Variants in LRP1B observed in about 807,000 individuals in gnomAD.
LRP1B encodes the protein low-density lipoprotein receptor-related protein 1B.
A neutral mutation model predicts 556.6 loss-of-function variants in LRP1B; 217 were observed. The ratio of observed to expected loss-of-function variants is 0.39; its 90% CI spans 0.35 to 0.44. The LOEUF (loss-of-function observed/expected upper bound fraction) is 0.44, where lower values mean the gene tolerates loss of function less well. Among genes scored for constraint, LRP1B ranks in the 20% least tolerant of loss-of-function variants. LRP1B has a pLI of 1.00. For missense variants in LRP1B, 5,053 were observed against 5,620.8 expected (o/e 0.90, Z 3.23); for synonymous variants, 2,047 against 1,865.8 (o/e 1.10, Z -2.50).
intron 2 of LRP1B, among the ~76,000 whole-genome samples, chr2:141,684,952 A>G (rs1558803125): frequency 6.6e-6 from 1 of 152,046 alleles, no homozygotes; most frequent in Non-Finnish European, 1.5e-5. Flanking sequence ...AAAGGGGAGA[A>G]TGACTCTCAG....
At chr2:140,725,756 G>A (rs1364469414) in intron 35 of LRP1B, among the ~76,000 whole-genome samples, 1 of 151,912 alleles carries the variant, frequency 6.6e-6, no homozygotes, top group Non-Finnish European at 1.5e-5. Context: ...CTGCCACTGG[G>A]GTTCAGTGGC....
At chr2:141,110,927 T>C (rs938222575) in intron 7 of LRP1B, among the ~76,000 whole-genome samples, 21 of 152,140 alleles carry the variant, frequency 1.4e-4, no homozygotes, top group Admixed American at 1.4e-3. Flanking sequence ...ACTAAATATA[T>C]AGCCACATTT....
In LRP1B at chr2:140,371,246, C is replaced by G. The variant is rs1397936444; in HGVS notation, c.10808G>C (p.Ser3603Thr). The G allele has an allele frequency of 1.3e-6, 2 of 1,596,920 alleles. No individual in the cohort carries two copies. The highest frequency in any genetic ancestry group is 1.3e-5 in the African/African-American group (1 of 74,346). Residue 3603 changes from serine to threonine, a missense_variant, in exon 70 of 91, where the codon AGT (serine) becomes ACT (threonine). By Grantham distance (58) the Ser-to-Thr change is moderately conservative. This residue lies in a region of LRP1B where 599 missense variants were observed against 648.4 expected (regional missense o/e 0.92). Transcript: ENST00000389484. The part of the protein sequence containing the change: ...TCSSREYICA[S>T]DGCISASLKC... ...CAAAGATGCTGAAATACATCCATCACTGGCACATATATATTCACGTGATGA... is the reference window on the plus strand; with the variant it reads ...CAAAGATGCTGAAATACATCCATCAGTGGCACATATATATTCACGTGATGA...
In LRP1B at chr2:140,501,699, C is replaced by A. The variant is rs747529478; in HGVS notation, c.8838G>T (p.Pro2946=). Residue 2946 remains proline (P), a synonymous_variant, in exon 55 of 91, where the codon CCG becomes CCT. Coordinates refer to ENST00000389484, the MANE Select transcript of LRP1B (RefSeq NM_018557.3). ...GATGAGTACCTACCTTATAACTGAC[C>A]GGAAGGTCTTGACAGTCTTGAGAAC... ...SGCSQDCQDL[P]VSYKCKCWPG... is the part of the protein sequence containing the mutation. 7 of 1,608,588 alleles carry A rather than the reference C, an allele frequency of 4.4e-6. No individual in the cohort carries two copies. Among genetic ancestry groups the A allele is most frequent in the Non-Finnish European group, 5.9e-6 (7 of 1,176,938 alleles).
chr2:140,739,267 T>C (rs1688054839), intron 35 of LRP1B, among the ~76,000 whole-genome samples: 1 of 151,986 alleles, frequency 6.6e-6, no homozygotes, highest in Non-Finnish European at 1.5e-5. Context: ...GATTTGGGGA[T>C]TTGCAAAGCA....
At chr2:141,363,129 A>G (rs1688895269) in intron 3 of LRP1B, among the ~76,000 whole-genome samples, 1 of 152,172 alleles carries the variant, frequency 6.6e-6, no homozygotes. Flanking sequence ...TACATCTTCT[A>G]TAATTGTTTC....
chr2:142,035,272 C>T lies in LRP1B; in HGVS notation c.82+95376G>A, dbSNP rs964742091. Among the ~76,000 whole-genome samples, 13 of 151,756 alleles carry T rather than the reference C, an allele frequency of 8.6e-5. 1 individual carries two copies. The East Asian group carries it at 2.1e-3, about 25-fold the overall frequency. On this transcript the variant is annotated intron_variant, in intron 1 of 90. Coordinates refer to ENST00000389484, the MANE Select transcript of LRP1B (RefSeq NM_018557.3). ...TTCCTCCCACTTGTAACTGATGGTGCAGATGCTATATTAAGAAACACTATG... is the reference window on the plus strand; with the variant it reads ...TTCCTCCCACTTGTAACTGATGGTGTAGATGCTATATTAAGAAACACTATG...
At chr2:140,761,348 T>C (rs535523833) in intron 35 of LRP1B, among the ~76,000 whole-genome samples, 49 of 152,330 alleles carry the variant, frequency 3.2e-4, no homozygotes, top group Non-Finnish European at 5.6e-4. Context: ...AATATTGTGA[T>C]AGGCAGCCCC....
chr2:141,371,536 ATCTAC>A (rs1689231149), intron 3 of LRP1B, among the ~76,000 whole-genome samples: 1 of 152,112 alleles, frequency 6.6e-6, no homozygotes, highest in Non-Finnish European at 1.5e-5. Context: ...TCTTTGTGTC[ATCTAC>A]TCTTTCTTTC....
At chr2:141,446,338 A>G (rs1044060025) in intron 3 of LRP1B, among the ~76,000 whole-genome samples, 1 of 152,142 alleles carries the variant, frequency 6.6e-6, no homozygotes, top group African/African-American at 2.4e-5. Context: ...AATACAGTCC[A>G]TCGATGGGTC....
chr2:141,724,224 A>G (rs1692946150), intron 2 of LRP1B, among the ~76,000 whole-genome samples: 2 of 151,932 alleles, frequency 1.3e-5, no homozygotes, highest in African/African-American at 4.8e-5. Flanking sequence ...ATACAAGCAG[A>G]AAACAAACTA....
intron 2 of LRP1B, among the ~76,000 whole-genome samples, chr2:141,729,299 TGCTA>T (rs1446050493): frequency 1.3e-5 from 2 of 149,884 alleles, no homozygotes; most frequent in Non-Finnish European, 3.0e-5. Context: ...GCTTATGCTA[TGCTA>T]TTCTTTTTTT....
At chr2:141,907,684 C>T (rs1204186726) in intron 1 of LRP1B, among the ~76,000 whole-genome samples, 3 of 151,906 alleles carry the variant, frequency 2.0e-5, no homozygotes, top group East Asian at 1.9e-4. Flanking sequence ...AAGGAAAATG[C>T]AAACTTTAAA....
At chr2:141,483,651 C>T (rs1047532189) in intron 2 of LRP1B, among the ~76,000 whole-genome samples, 7 of 151,878 alleles carry the variant, frequency 4.6e-5, no homozygotes, top group Non-Finnish European at 7.4e-5. Context: ...CAATGATTGC[C>T]ATTCTAACTG....
intron 59 of LRP1B, among the ~76,000 whole-genome samples, chr2:140,480,017 A>C (rs72990641): frequency 0.02 from 3,000 of 152,314 alleles, 96 homozygotes; most frequent in African/African-American, 0.067. Context: ...CTAGTTACTC[A>C]TTCATCAGTC....
intron 1 of LRP1B, among the ~76,000 whole-genome samples, chr2:141,923,844 C>T (rs1425804942): frequency 6.6e-6 from 1 of 151,794 alleles, no homozygotes; most frequent in African/African-American, 2.4e-5. Context: ...GCAGCATAAC[C>T]AACTTAGGAA....
chr2:141,917,325 G>T lies in LRP1B; in HGVS notation c.83-106924C>A, dbSNP rs537496114. ...GGAACGCTATTAACAACTGAGAAAT[G>T]CCCCCAAACATGGATGTGGTGTATG... On this transcript the variant is annotated intron_variant, in intron 1 of 90. Transcript: ENST00000389484. Among the ~76,000 whole-genome samples the T allele has an allele frequency of 7.2e-5, 11 of 152,200 alleles. No individual in the cohort carries two copies. In the South Asian group the frequency reaches 2.1e-3, roughly 29 times the overall value.
At chr2:141,890,397 A>ATATATATATATGTATTGTGTG (rs1574467539) in intron 1 of LRP1B, among the ~76,000 whole-genome samples, 1 of 98,982 alleles carries the variant, frequency 1.0e-5, no homozygotes, top group African/African-American at 5.0e-5. Context: ...TATAGTGTAT[A>ATATATATATATGTATTGTGTG]TATATATATA....
At chr2:142,087,524 T>G (rs1705993167) in intron 1 of LRP1B, among the ~76,000 whole-genome samples, 2 of 151,494 alleles carry the variant, frequency 1.3e-5, no homozygotes, top group Non-Finnish European at 2.9e-5. Flanking sequence ...TCTCTGCCAC[T>G]TATTAATATG....
Sources: gnomAD v4.1 joint callset for allele counts (sites outside exome capture counted in the v4.1 genomes callset) on GRCh38, gnomAD v4.1.1 for gene constraint, gnomAD v4.1.1 regional missense constraint, MANE v1.5 for transcripts, NCBI Gene and HGNC (gene_info 2026-07-23, HGNC 2026-07-21) for gene names.